Variants in LRRC4C observed in about 807,000 individuals in gnomAD.
The protein encoded by LRRC4C is leucine-rich repeat-containing protein 4C.
A neutral mutation model predicts 33.6 loss-of-function variants in LRRC4C; 5 were observed. The ratio of observed to expected loss-of-function variants is 0.15; its 90% CI spans 0.08 to 0.31. LRRC4C has a LOEUF of 0.31. Ranked by LOEUF, LRRC4C falls within the 10% of genes least tolerant of loss-of-function variation. LRRC4C has a pLI of 1.00. For synonymous variants in LRRC4C, 329 were observed against 302.0 expected (o/e 1.09, Z -0.93); for missense variants, 560 against 796.7 (o/e 0.70, Z 3.58).
At position 40,463,738 on chromosome 11, in the gene LRRC4C, C is replaced by A. The variant is rs74352644; in HGVS notation, c.-269-144017G>T. Among the ~76,000 whole-genome samples the A allele has an allele frequency of 7.9e-3, 1,203 of 152,094 alleles. 14 individuals carry two copies. Among genetic ancestry groups the A allele is most frequent in the African/African-American group, 0.027 (1,122 of 41,508 alleles). On this transcript the variant is annotated intron_variant, in intron 3 of 6. Transcript: ENST00000528697. The stretch of plus-strand genomic sequence containing the variant: ...GCATTAGAGCCACCACATTATATAG[C>A]TTCTTTTGGGGAATCATATTTAAAA...
At chr11:40,958,851 A>C (rs1386404075) in intron 1 of LRRC4C, among the ~76,000 whole-genome samples, 1 of 151,710 alleles carries the variant, frequency 6.6e-6, no homozygotes, top group Non-Finnish European at 1.5e-5. Flanking sequence ...TCATAAAGAA[A>C]ACCAGGGCCT....
At chr11:41,381,332 G>C (rs1277389736) in intron 1 of LRRC4C, among the ~76,000 whole-genome samples, 1 of 152,064 alleles carries the variant, frequency 6.6e-6, no homozygotes, top group Non-Finnish European at 1.5e-5. Context: ...GTTCAATATA[G>C]TTAAAGAACA....
intron 3 of LRRC4C, among the ~76,000 whole-genome samples, chr11:40,428,153 T>A (rs1354282003): frequency 1.3e-5 from 2 of 151,242 alleles, no homozygotes; most frequent in Admixed American, 1.3e-4. Flanking sequence ...ATAAATTCTT[T>A]AAATTTTTTT....
At chr11:40,842,523 C>T (rs1057364831) in intron 2 of LRRC4C, among the ~76,000 whole-genome samples, 1 of 152,102 alleles carries the variant, frequency 6.6e-6, no homozygotes, top group African/African-American at 2.4e-5. Context: ...TTACCTTACA[C>T]ACTTACTATT....
In LRRC4C at chr11:40,798,033, A is replaced by G. The variant is rs556244336; in HGVS notation, c.-407+135602T>C. Among the ~76,000 whole-genome samples, 20 of 152,306 alleles carry G rather than the reference A, an allele frequency of 1.3e-4. No individual in the cohort carries two copies. The South Asian group carries it at 3.7e-3, about 28-fold the overall frequency. ...CTAGAGGTTGAACAGTTATATTCCTATTGGGTCTATAATCTGTACTGGCAG... is the reference window on the plus strand; with the variant it reads ...CTAGAGGTTGAACAGTTATATTCCTGTTGGGTCTATAATCTGTACTGGCAG... On this transcript the variant is annotated intron_variant, in intron 2 of 6. Coordinates refer to ENST00000528697, the MANE Select transcript of LRRC4C (RefSeq NM_001258419.2).
chr11:41,239,834 GTGAA>G (rs984228436), intron 1 of LRRC4C, among the ~76,000 whole-genome samples: 1 of 151,952 alleles, frequency 6.6e-6, no homozygotes. Context: ...TGTCGATTTT[GTGAA>G]TGAATGAAAA....
intron 3 of LRRC4C, among the ~76,000 whole-genome samples, chr11:40,471,710 T>C (rs1402244931): frequency 1.4e-5 from 2 of 145,200 alleles, no homozygotes; most frequent in Admixed American, 1.4e-4. Context: ...GGGGTTGCAA[T>C]CCTAGTCTCT....
intron 2 of LRRC4C, among the ~76,000 whole-genome samples, chr11:40,755,191 C>T (rs1315658450): frequency 6.6e-6 from 1 of 152,100 alleles, no homozygotes; most frequent in African/African-American, 2.4e-5. Flanking sequence ...CGAAGTACCA[C>T]TACAACAACT....
chr11:40,780,846 A>T (rs1950184273), intron 2 of LRRC4C, among the ~76,000 whole-genome samples: 1 of 151,802 alleles, frequency 6.6e-6, no homozygotes, highest in African/African-American at 2.4e-5. Flanking sequence ...GGAGAATCTT[A>T]TGCAGGTGAA....
intron 1 of LRRC4C, among the ~76,000 whole-genome samples, chr11:41,028,703 G>T (rs907333106): frequency 1.3e-5 from 2 of 151,420 alleles, no homozygotes; most frequent in African/African-American, 2.4e-5. Flanking sequence ...CAACATACTA[G>T]TTGCTAATTT....
At chr11:40,588,700 G>T (rs1357797353) in intron 3 of LRRC4C, among the ~76,000 whole-genome samples, 3 of 152,102 alleles carry the variant, frequency 2.0e-5, no homozygotes, top group Non-Finnish European at 4.4e-5. Context: ...TGGTTTCAAA[G>T]AACATCTTTA....
chr11:41,341,166 T>C (rs1951624714), intron 1 of LRRC4C, among the ~76,000 whole-genome samples: 1 of 151,832 alleles, frequency 6.6e-6, no homozygotes, highest in Non-Finnish European at 1.5e-5. Flanking sequence ...GTGTGTTAGG[T>C]GAGGATGTTA....
intron 2 of LRRC4C, among the ~76,000 whole-genome samples, chr11:40,848,747 T>C (rs1249631755): frequency 6.6e-6 from 1 of 152,148 alleles, no homozygotes; most frequent in Admixed American, 6.5e-5. Flanking sequence ...AGTGGGGTGT[T>C]AAATTCTCCC....
chr11:40,505,833 G>A (rs114864507), intron 3 of LRRC4C, among the ~76,000 whole-genome samples: 3,147 of 152,054 alleles, frequency 0.021, 120 homozygotes, highest in African/African-American at 0.072. Flanking sequence ...ACCTCCCCCC[G>A]CTTTCACATT....
intron 1 of LRRC4C, among the ~76,000 whole-genome samples, chr11:41,101,735 A>T (rs1354094465): frequency 6.6e-6 from 1 of 152,198 alleles, no homozygotes; most frequent in Non-Finnish European, 1.5e-5. Context: ...AAGCAAATAC[A>T]TGGAATCAAC....
intron 3 of LRRC4C, among the ~76,000 whole-genome samples, chr11:40,330,574 G>A (rs749697569): frequency 6.6e-6 from 1 of 152,124 alleles, no homozygotes; most frequent in African/African-American, 2.4e-5. Flanking sequence ...TCACTGTTCT[G>A]CATGGCTGGG....
At chr11:40,395,295 C>T (rs775618830) in intron 3 of LRRC4C, among the ~76,000 whole-genome samples, 1 of 152,136 alleles carries the variant, frequency 6.6e-6, no homozygotes, top group South Asian at 2.1e-4. Context: ...TCACAGTAGC[C>T]CTTGGACTCC....
chr11:41,318,494 G>A (rs937192382), intron 1 of LRRC4C, among the ~76,000 whole-genome samples: 3 of 152,102 alleles, frequency 2.0e-5, no homozygotes, highest in Non-Finnish European at 2.9e-5. Context: ...GAGATTGAAG[G>A]TGGGGATTTT....
chr11:41,447,398 C>A (rs189350799), intron 1 of LRRC4C, among the ~76,000 whole-genome samples: 1 of 152,214 alleles, frequency 6.6e-6, no homozygotes, highest in Non-Finnish European at 1.5e-5. Context: ...TATTTTGAAG[C>A]TATTAAAACC....
Sources: gnomAD v4.1 joint callset for allele counts (sites outside exome capture counted in the v4.1 genomes callset) on GRCh38, gnomAD v4.1.1 for gene constraint, MANE v1.5 for transcripts, NCBI Gene and HGNC (gene_info 2026-07-23, HGNC 2026-07-21) for gene names.